PDE4D: variants seen among roughly 807,000 people sequenced by gnomAD.
The protein encoded by PDE4D is phosphodiesterase 4D.
PDE4D carries 24 observed loss-of-function variants against 87.4 expected under a neutral mutation model. The observed-to-expected ratio is 0.27, with a 90% CI of 0.20 to 0.39. The LOEUF is 0.39. Ranked by LOEUF, PDE4D falls within the 10% of genes least tolerant of loss-of-function variation. The pLI, the probability that PDE4D is intolerant of heterozygous loss-of-function variation, is 1.00. For missense variants in PDE4D, 714 were observed against 1,041.0 expected (o/e 0.69, Z 4.32); for synonymous variants, 384 against 383.2 (o/e 1.00, Z -0.02).
chr5:59,123,843 G>T (rs1010037777), intron 5 of PDE4D, among the ~76,000 whole-genome samples: 2 of 152,162 alleles, frequency 1.3e-5, no homozygotes, highest in African/African-American at 4.8e-5. Context: ...AGAAAGACTG[G>T]GGTCCAAATC....
chr5:60,416,640 A>G (rs1368311184), intron 1 of PDE4D, among the ~76,000 whole-genome samples: 4 of 152,210 alleles, frequency 2.6e-5, no homozygotes, highest in Admixed American at 2.6e-4. Flanking sequence ...CTCTGGACAC[A>G]CTGCCTTTAA....
At chr5:60,402,383 G>T (rs1400164369) in intron 1 of PDE4D, among the ~76,000 whole-genome samples, 1 of 152,170 alleles carries the variant, frequency 6.6e-6, no homozygotes, top group East Asian at 1.9e-4. Context: ...TCTACTACAT[G>T]GAACAGCTGT....
intron 1 of PDE4D, among the ~76,000 whole-genome samples, chr5:59,886,871 A>G (rs1750230948): frequency 6.6e-6 from 1 of 152,154 alleles, no homozygotes. Flanking sequence ...GAAGGCAAAG[A>G]GAAATTACCT....
At chr5:59,469,246 T>C (rs994689487) in intron 1 of PDE4D, among the ~76,000 whole-genome samples, 1 of 152,014 alleles carries the variant, frequency 6.6e-6, no homozygotes, top group Non-Finnish European at 1.5e-5. Context: ...GAGAATGGCA[T>C]GAACCAAGGA....
At chr5:59,434,824 T>C (rs1461037180) in intron 1 of PDE4D, among the ~76,000 whole-genome samples, 1 of 152,138 alleles carries the variant, frequency 6.6e-6, no homozygotes, top group East Asian at 1.9e-4. Flanking sequence ...GAGACATGAA[T>C]ACTATTGATA....
At chr5:59,107,274 C>T (rs763724971) in intron 5 of PDE4D, among the ~76,000 whole-genome samples, 6 of 152,064 alleles carry the variant, frequency 3.9e-5, no homozygotes, top group African/African-American at 1.2e-4. Context: ...TGCAGTGGCA[C>T]GATCTTGGCT....
At chr5:60,439,547 C>T (rs1002906633) in intron 1 of PDE4D, among the ~76,000 whole-genome samples, 1 of 152,100 alleles carries the variant, frequency 6.6e-6, no homozygotes, top group Non-Finnish European at 1.5e-5. Context: ...AAATTATCTG[C>T]TATATGAAAC....
chr5:60,343,042 C>G (rs1278610260), intron 1 of PDE4D, among the ~76,000 whole-genome samples: 1 of 152,114 alleles, frequency 6.6e-6, no homozygotes, highest in Admixed American at 6.6e-5. Context: ...TTCAGTTTTG[C>G]AGGACAAAGC....
At chr5:59,828,065 C>G (rs1770533913) in intron 1 of PDE4D, among the ~76,000 whole-genome samples, 1 of 149,994 alleles carries the variant, frequency 6.7e-6, no homozygotes, top group Non-Finnish European at 1.5e-5. Flanking sequence ...AGAAAAGTAA[C>G]AAAACAAATG....
chr5:59,746,579 A>G (rs1251712738), intron 1 of PDE4D, among the ~76,000 whole-genome samples: 1 of 152,134 alleles, frequency 6.6e-6, no homozygotes, highest in Non-Finnish European at 1.5e-5. Flanking sequence ...GTCATTGCTC[A>G]TCACCAGATG....
chr5:59,334,243 T>C (rs1029468095), intron 1 of PDE4D, among the ~76,000 whole-genome samples: 1 of 132,102 alleles, frequency 7.6e-6, no homozygotes, highest in African/African-American at 2.8e-5. Flanking sequence ...GAGGATCCAG[T>C]GGAGTTTTTT....
intron 1 of PDE4D, among the ~76,000 whole-genome samples, chr5:59,880,422 TGA>T (rs1285753631): frequency 6.6e-6 from 1 of 152,156 alleles, no homozygotes; most frequent in African/African-American, 2.4e-5. Flanking sequence ...AAATTTTTCA[TGA>T]GTTACAAAAA....
At chr5:59,582,525 C>A (rs1207750118) in intron 1 of PDE4D, among the ~76,000 whole-genome samples, 3 of 152,226 alleles carry the variant, frequency 2.0e-5, no homozygotes, top group Non-Finnish European at 4.4e-5. Flanking sequence ...CATATACATG[C>A]AAATTATGAA....
chr5:59,363,650 C>T (rs1782580962), intron 1 of PDE4D, among the ~76,000 whole-genome samples: 1 of 152,180 alleles, frequency 6.6e-6, no homozygotes, highest in African/African-American at 2.4e-5. Context: ...GATGAGAAAT[C>T]TGAGACTCAT....
chr5:59,949,535 G>A (rs1412659647), intron 3 of PDE4D, among the ~76,000 whole-genome samples: 1 of 151,546 alleles, frequency 6.6e-6, no homozygotes, highest in Non-Finnish European at 1.5e-5. Flanking sequence ...TTAACTATGA[G>A]ACATGATAAG....
chr5:59,220,512 G>C (rs1258810360), intron 1 of PDE4D, among the ~76,000 whole-genome samples: 2 of 151,958 alleles, frequency 1.3e-5, no homozygotes, highest in South Asian at 2.1e-4. Flanking sequence ...TTAGAACTAG[G>C]GGGTTTGCCT....
chr5:59,965,588 G>A (rs1479196834), intron 3 of PDE4D, among the ~76,000 whole-genome samples: 1 of 152,082 alleles, frequency 6.6e-6, no homozygotes, highest in Non-Finnish European at 1.5e-5. Flanking sequence ...CAATCACTCT[G>A]GTGAATGAAG....
intron 1 of PDE4D, among the ~76,000 whole-genome samples, chr5:59,355,721 A>G (rs1582129823): frequency 6.6e-6 from 1 of 152,166 alleles, no homozygotes; most frequent in African/African-American, 2.4e-5. Context: ...GCATTGTTAT[A>G]CAAAATTTTT....
chr5:59,998,283 G>A (rs1027857453), intron 2 of PDE4D, among the ~76,000 whole-genome samples: 1 of 152,154 alleles, frequency 6.6e-6, no homozygotes, highest in Non-Finnish European at 1.5e-5. Context: ...TATAAGAAAA[G>A]TGAAGGCAAC....
Sources: gnomAD v4.1 joint callset for allele counts (sites outside exome capture counted in the v4.1 genomes callset) on GRCh38, gnomAD v4.1.1 for gene constraint, MANE v1.5 for transcripts, NCBI Gene and HGNC (gene_info 2026-07-23, HGNC 2026-07-21) for gene names.